ANK3: variants seen among roughly 807,000 people sequenced by gnomAD.
The protein encoded by ANK3 is ankyrin-3.
A neutral mutation model predicts 370.9 loss-of-function variants in ANK3; 57 were observed. The ratio of observed to expected loss-of-function variants is 0.15; its 90% CI spans 0.12 to 0.19. ANK3 has a LOEUF of 0.19. ANK3 is among the 10% of genes least tolerant of loss of function. ANK3 has a pLI of 1.00. For synonymous variants in ANK3, 1,929 were observed against 1,946.3 expected (o/e 0.99, Z 0.23); for missense variants, 4,439 against 5,302.1 (o/e 0.84, Z 5.06).
At chr10:60,110,140 C>A (rs2092587501) in intron 26 of ANK3, among the ~76,000 whole-genome samples, 2 of 152,224 alleles carry the variant, frequency 1.3e-5, no homozygotes, top group Middle Eastern at 3.4e-3. Context: ...CATCAAAAAT[C>A]TTTACTACTT....
Position 60,027,940 on chromosome 10 carries a change from G to C in ANK3, c.*1906C>G, listed in dbSNP as rs992935518. 6.6e-6 allele frequency: 1 copy of C among 152,106 alleles called. No individual in the cohort carries two copies. The highest frequency in any genetic ancestry group is 2.4e-5 in the African/African-American group (1 of 41,400). The allele number at this position is 152,106 out of a possible 1,614,324, so 9.4% of individuals were successfully genotyped here. On this transcript the variant is annotated 3_prime_UTR_variant, in exon 44 of 44. Coordinates refer to ENST00000280772, the MANE Select transcript of ANK3 (RefSeq NM_020987.5). ...GCAGGTTGTTACCTTCTGGGAATGAGGTCCATTGTTGCCAAATCTTGCTTT... is the reference window on the plus strand; with the variant it reads ...GCAGGTTGTTACCTTCTGGGAATGACGTCCATTGTTGCCAAATCTTGCTTT...
At chr10:60,308,368 C>T (rs994830821) in intron 1 of ANK3, among the ~76,000 whole-genome samples, 2 of 138,546 alleles carry the variant, frequency 1.4e-5, no homozygotes, top group South Asian at 2.3e-4. Flanking sequence ...GGCATGATCT[C>T]GGCTCACTGC....
At position 60,604,848 on chromosome 10, in the gene ANK3, G is replaced by A. The variant is rs184953701; in HGVS notation, c.96+10338C>T. Among the ~76,000 whole-genome samples the A allele has an allele frequency of 4.6e-5, 7 of 152,178 alleles. No homozygotes were observed. The East Asian group carries it at 1.4e-3, about 29-fold the overall frequency. On this transcript the variant is annotated intron_variant, in intron 2 of 43. Coordinates refer to the ANK3 transcript ENST00000373827. ...CTCATAGATAGTGTGCTTTATTATT[G>A]AAACAAGTAAGCTCCAAACAACTAA... is the stretch of plus-strand genomic sequence containing the variant.
At chr10:60,059,196 G>A (rs1215953201) in intron 41 of ANK3, 144 bp downstream of exon 41, 15 of 641,614 alleles carry the variant, frequency 2.3e-5, no homozygotes, top group Non-Finnish European at 4.1e-5. Context: ...TTCCAGATTA[G>A]CATAATGAAC....
intron 1 of ANK3, among the ~76,000 whole-genome samples, chr10:60,692,321 C>T (rs1004953047): frequency 1.3e-5 from 2 of 152,214 alleles, no homozygotes; most frequent in Non-Finnish European, 2.9e-5. Flanking sequence ...ACAAGACCAA[C>T]GTAGCCCAAG....
chr10:60,063,392 T>C, intron 39 of ANK3, 138 bp from the exon 40 acceptor site: 2 of 780,404 alleles, frequency 2.6e-6, no homozygotes, highest in Non-Finnish European at 3.9e-6. Flanking sequence ...AATCTCCCTA[T>C]CCAGAGGACT....
chr10:60,661,175 A>G (rs1333505581), intron 1 of ANK3, among the ~76,000 whole-genome samples: 2 of 151,542 alleles, frequency 1.3e-5, no homozygotes, highest in African/African-American at 4.8e-5. Flanking sequence ...TTTTTTTCAA[A>G]CACTGTCAAT....
rs563781763 is a variant in ANK3, at chr10:60,205,448, A to G, written c.1293+344T>C. On this transcript the variant is annotated intron_variant, in intron 11 of 43. Transcript: ENST00000280772. ...GTGACAATTAAAAGTACCTCCAGAC[A>G]TGACTAAACGCCCCTTGGGGGACAA... 1.2e-3 allele frequency among the ~76,000 whole-genome samples: 182 copies of G among 152,302 alleles called. 2 individuals carry two copies. Among genetic ancestry groups the G allele is most frequent in the Admixed American group, 1.9e-3 (29 of 15,302 alleles).
chr10:60,443,441 T>C (rs959969374), intron 2 of ANK3, among the ~76,000 whole-genome samples: 1 of 151,972 alleles, frequency 6.6e-6, no homozygotes, highest in African/African-American at 2.4e-5. Flanking sequence ...AGCCTGAGAA[T>C]AGTGAAAGTG....
chr10:60,051,465 T>A, intron 42 of ANK3: 1 of 983,574 alleles, frequency 1.0e-6, no homozygotes, highest in Non-Finnish European at 1.2e-6. Context: ...ATGATCCAGC[T>A]ACAGGATACC....
intron 40 of ANK3, among the ~76,000 whole-genome samples, chr10:60,061,063 A>AC (rs2080351015): frequency 6.6e-6 from 1 of 152,204 alleles, no homozygotes; most frequent in Admixed American, 6.5e-5. Flanking sequence ...AAAGCAACAA[A>AC]CCACAGTTTC....
At chr10:60,215,768 A>G (rs548120094) in intron 8 of ANK3, among the ~76,000 whole-genome samples, 56 of 152,272 alleles carry the variant, frequency 3.7e-4, no homozygotes, top group Middle Eastern at 3.4e-3. Flanking sequence ...TGTAGTTTGA[A>G]GTAAGGTAGC....
intron 24 of ANK3, 151 bp downstream of exon 24, chr10:60,138,813 C>T (rs2094454063): frequency 1.1e-6 from 1 of 884,890 alleles, no homozygotes; most frequent in African/African-American, 1.7e-5. Flanking sequence ...AATAGCAGAG[C>T]ATGTGTATTT....
At chr10:60,641,479 T>C (rs1288829784) in intron 1 of ANK3, among the ~76,000 whole-genome samples, 1 of 151,096 alleles carries the variant, frequency 6.6e-6, no homozygotes, top group Non-Finnish European at 1.5e-5. Flanking sequence ...TAACGCCGCA[T>C]ATCTACAACT....
intron 25 of ANK3, among the ~76,000 whole-genome samples, chr10:60,128,160 G>C (rs1376652492): frequency 6.6e-6 from 1 of 152,042 alleles, no homozygotes; most frequent in Non-Finnish European, 1.5e-5. Context: ...TGGTTCTGTG[G>C]CCCAACCAAG....
At chr10:60,491,907 A>C (rs1428429883) in intron 2 of ANK3, among the ~76,000 whole-genome samples, 1 of 152,150 alleles carries the variant, frequency 6.6e-6, no homozygotes, top group Non-Finnish European at 1.5e-5. Flanking sequence ...ATGGCTTAAC[A>C]TGTGGAAAGC....
chr10:60,520,980 A>G (rs1402389656), intron 2 of ANK3, among the ~76,000 whole-genome samples: 1 of 151,870 alleles, frequency 6.6e-6, no homozygotes, highest in East Asian at 1.9e-4. Flanking sequence ...TCAGCACTCT[A>G]TCTTGAGTAC....
intron 1 of ANK3, among the ~76,000 whole-genome samples, chr10:60,692,941 GCTT>G (rs1463211933): frequency 6.6e-6 from 1 of 152,216 alleles, no homozygotes; most frequent in Non-Finnish European, 1.5e-5. Context: ...TGTGATGTAG[GCTT>G]CTTAAGATTA....
chr10:60,699,859 C>G (rs1180854471), intron 1 of ANK3, among the ~76,000 whole-genome samples: 1 of 151,980 alleles, frequency 6.6e-6, no homozygotes, highest in Admixed American at 6.6e-5. Context: ...ACATATTTAA[C>G]ATAAACAGGA....
Sources: gnomAD v4.1 joint callset for allele counts (sites outside exome capture counted in the v4.1 genomes callset) on GRCh38, gnomAD v4.1.1 for gene constraint, MANE v1.5 for transcripts, NCBI Gene and HGNC (gene_info 2026-07-23, HGNC 2026-07-21) for gene names.